The following SLC30A7 variants were observed in gnomAD, a reference collection of about 807,000 sequenced individuals.
SLC30A7 encodes solute carrier family 30 member 7.
In SLC30A7, 35 loss-of-function variants were observed where a neutral mutation model predicts 46.0. That is an observed-to-expected ratio of 0.76 (90% confidence interval 0.58 to 1.01). SLC30A7 has a LOEUF of 1.01. SLC30A7 is among the 50% of genes least tolerant of loss of function. SLC30A7 has a pLI of 0.00. For synonymous variants in SLC30A7, 147 were observed against 157.8 expected (o/e 0.93, Z 0.51); for missense variants, 464 against 451.1 (o/e 1.03, Z -0.26).
At chr1:100,900,891 T>C (rs1425408364) in intron 2 of SLC30A7, among the ~76,000 whole-genome samples, 1 of 152,202 alleles carries the variant, frequency 6.6e-6, no homozygotes, top group African/African-American at 2.4e-5. Context: ...ATAGACCTTT[T>C]AAACAATTTT....
intron 7 of SLC30A7, among the ~76,000 whole-genome samples, chr1:100,919,651 A>C (rs540954817): frequency 1.3e-5 from 2 of 152,174 alleles, no homozygotes; most frequent in Non-Finnish European, 2.9e-5. Flanking sequence ...TTTGAAAGTC[A>C]TCACAAGTTG....
intron 2 of SLC30A7, among the ~76,000 whole-genome samples, chr1:100,899,917 T>G (rs1201134805): frequency 1.3e-5 from 2 of 152,050 alleles, no homozygotes; most frequent in African/African-American, 2.4e-5. Context: ...TAGTCTTTAT[T>G]CCACTCAGCC....
In SLC30A7 at chr1:100,930,158, A is replaced by T. The variant is rs182552019; in HGVS notation, c.842+8317A>T. Among the ~76,000 whole-genome samples, 961 of 152,134 alleles carry T rather than the reference A, an allele frequency of 6.3e-3. 12 individuals carry two copies. Among genetic ancestry groups the T allele is most frequent in the Non-Finnish European group, 8.7e-3 (588 of 67,914 alleles). ...TTCTGAAGCCTTGCTAGATTTTTTT[A>T]AAAAAATCAATTTTCTGCAACTCAC... On this transcript the variant is annotated intron_variant, in intron 8 of 10. Coordinates refer to ENST00000357650, the MANE Select transcript of SLC30A7 (RefSeq NM_133496.5).
At chr1:100,988,881 TAAAG>T in the SLC30A7 span, among the ~76,000 whole-genome samples, 3 of 151,552 alleles carry the variant, frequency 2.0e-5, no homozygotes, top group South Asian at 4.2e-4. Context: ...TAAAAAATAA[TAAAG>T]AAAAAAGAGA....
At chr1:100,954,637 G>A (rs999790409) in intron 8 of SLC30A7, among the ~76,000 whole-genome samples, 1 of 151,998 alleles carries the variant, frequency 6.6e-6, no homozygotes, top group African/African-American at 2.4e-5. Context: ...TATTGGTAAA[G>A]CATGTTCTCT....
intron 10 of SLC30A7, among the ~76,000 whole-genome samples, chr1:100,970,036 T>C (rs1158440166): frequency 6.6e-6 from 1 of 152,196 alleles, no homozygotes; most frequent in Non-Finnish European, 1.5e-5. Flanking sequence ...TTACATCTTA[T>C]AAATTTTACT....
At chr1:100,949,243 C>T (rs962727455) in intron 8 of SLC30A7, among the ~76,000 whole-genome samples, 3 of 152,162 alleles carry the variant, frequency 2.0e-5, no homozygotes, top group African/African-American at 7.2e-5. Context: ...TGTTTGTTAG[C>T]TTTCCTTGTA....
chr1:100,912,354 A>G (rs957232318), intron 5 of SLC30A7, 116 bp downstream of exon 5: 3 of 1,181,874 alleles, frequency 2.5e-6, no homozygotes, highest in African/African-American at 3.0e-5. Context: ...GACTATGTGA[A>G]TATCTTCCTG....
In SLC30A7 at chr1:100,975,036, A is replaced by G; in HGVS notation, c.*179A>G. On this transcript the variant is annotated 3_prime_UTR_variant, in exon 11 of 11. Transcript: ENST00000357650. The stretch of plus-strand genomic sequence containing the variant: ...GGGGAGTTCACAGCTAAGGGATCAG[A>G]TTTAAGAGGATATCTCCTGGACTTT... The G allele has an allele frequency of 2.4e-6, 1 of 416,786 alleles. No individual in the cohort carries two copies. The highest frequency in any genetic ancestry group is 2.0e-5 in the African/African-American group (1 of 49,166). 25.8% of individuals were successfully genotyped at this position (416,786 alleles called of 1,614,324 possible).
chr1:100,916,846 T>G (rs567011609), intron 6 of SLC30A7, among the ~76,000 whole-genome samples: 1 of 151,898 alleles, frequency 6.6e-6, no homozygotes, highest in East Asian at 1.9e-4. Context: ...ACTCCACAAA[T>G]AAGTGAGAAC....
chr1:100,941,371 TC>T, intron 8 of SLC30A7: 1 of 398,318 alleles, frequency 2.5e-6, no homozygotes, highest in South Asian at 2.1e-5. Flanking sequence ...CACCAAAGTT[TC>T]CAGAAGCACT....
the SLC30A7 span, chr1:100,990,432 T>G: frequency 3.1e-6 from 5 of 1,614,112 alleles, no homozygotes; most frequent in Admixed American, 1.7e-5. Context: ...TGCTTTGAGA[T>G]TCTGAGCTAT....
the SLC30A7 span, among the ~76,000 whole-genome samples, chr1:100,988,840 A>G: frequency 1.3e-4 from 20 of 152,140 alleles, no homozygotes; most frequent in African/African-American, 4.8e-4. Context: ...ACAGAGTGAG[A>G]CTGTGTCTCA....
At chr1:100,993,840 C>G in the SLC30A7 span, among the ~76,000 whole-genome samples, 7 of 151,466 alleles carry the variant, frequency 4.6e-5, no homozygotes, top group Non-Finnish European at 8.8e-5. Flanking sequence ...CTCCTGGGTT[C>G]AAGCAATTCT....
chr1:100,994,238 G>A, the SLC30A7 span, among the ~76,000 whole-genome samples: 1 of 151,532 alleles, frequency 6.6e-6, no homozygotes. Flanking sequence ...AAAATTTATG[G>A]TTTTAACAGT....
chr1:100,915,227 TTC>T (rs992134244), intron 6 of SLC30A7, among the ~76,000 whole-genome samples: 1 of 147,664 alleles, frequency 6.8e-6, no homozygotes, highest in African/African-American at 2.5e-5. Flanking sequence ...CTTTCTTTCT[TTC>T]TTTCTTTCTT....
intron 8 of SLC30A7, among the ~76,000 whole-genome samples, chr1:100,944,846 G>T (rs572309994): frequency 9.2e-4 from 140 of 152,224 alleles, no homozygotes; most frequent in African/African-American, 3.2e-3. Flanking sequence ...TCTAGTTCTA[G>T]ATCCTTGAGG....
chr1:100,957,503 A>G (rs1261227623), intron 8 of SLC30A7, among the ~76,000 whole-genome samples: 1 of 152,200 alleles, frequency 6.6e-6, no homozygotes, highest in Non-Finnish European at 1.5e-5. Flanking sequence ...AGATGAAAGA[A>G]ATTGCCTGGA....
chr1:100,909,293 G>A (rs1053666210), intron 3 of SLC30A7, among the ~76,000 whole-genome samples: 2 of 152,014 alleles, frequency 1.3e-5, no homozygotes, highest in African/African-American at 4.8e-5. Context: ...AGAAAGAGTT[G>A]GGGAATATGA....
Sources: gnomAD v4.1 joint callset for allele counts (sites outside exome capture counted in the v4.1 genomes callset) on GRCh38, gnomAD v4.1.1 for gene constraint, MANE v1.5 for transcripts, NCBI Gene and HGNC (gene_info 2026-07-23, HGNC 2026-07-21) for gene names.